Variants in SERINC3 observed in about 807,000 individuals in gnomAD.
SERINC3 encodes tumor differentially expressed protein 1.
Under a neutral mutation model 52.1 loss-of-function variants are expected in SERINC3, and 22 were observed. The ratio of observed to expected loss-of-function variants is 0.42; its 90% CI spans 0.30 to 0.60. SERINC3 has a LOEUF of 0.60. Among genes scored for constraint, SERINC3 ranks in the 20% least tolerant of loss-of-function variants. SERINC3 has a pLI of 0.16. For synonymous variants in SERINC3, 226 were observed against 212.7 expected (o/e 1.06, Z -0.54); for missense variants, 564 against 584.6 (o/e 0.96, Z 0.36).
intron 1 of SERINC3, among the ~76,000 whole-genome samples, chr20:44,519,950 G>A (rs905237644): frequency 1.2e-4 from 18 of 152,294 alleles, no homozygotes; most frequent in African/African-American, 4.3e-4. Flanking sequence ...ACTGGTGACT[G>A]GCAGCCCCTA....
chr20:44,509,250 GACT>G (rs1309007882), intron 5 of SERINC3, among the ~76,000 whole-genome samples: 2 of 152,016 alleles, frequency 1.3e-5, no homozygotes, highest in Non-Finnish European at 2.9e-5. Flanking sequence ...AGGCCATAAG[GACT>G]ACTCACTCCT....
At position 44,517,375 on chromosome 20, in the gene SERINC3, A is replaced by G. The variant is rs568875640; in HGVS notation, c.40-3335T>C. On this transcript the variant is annotated intron_variant, in intron 1 of 9. Transcript: ENST00000342374. ...TCTTATGTTGAAGTCCTAATGCCCA[A>G]TTCCTCAAAATGTATCCTTACTTGG... Among the ~76,000 whole-genome samples the G allele has an allele frequency of 7.9e-5, 12 of 152,354 alleles. No individual in the cohort carries two copies. In the South Asian group the frequency reaches 1.0e-3, roughly 13 times the overall value.
intron 1 of SERINC3, among the ~76,000 whole-genome samples, chr20:44,518,786 GAA>G (rs1600820751): frequency 6.6e-6 from 1 of 152,190 alleles, no homozygotes; most frequent in East Asian, 1.9e-4. Context: ...CCAACATGGA[GAA>G]ACCCCATCTC....
At chr20:44,515,936 T>G (rs548607328) in intron 1 of SERINC3, among the ~76,000 whole-genome samples, 1 of 152,078 alleles carries the variant, frequency 6.6e-6, no homozygotes, top group African/African-American at 2.4e-5. Context: ...ATTACAGGCG[T>G]GAGATACTGC....
Position 44,506,946 on chromosome 20 carries a change from C to T in SERINC3, c.664G>A (p.Gly222Arg), listed in dbSNP as rs796829781. Residue 222 changes from glycine (G) to arginine (R), a missense_variant, in exon 6 of 10, where the codon GGG becomes AGG. By Grantham distance (125) the Gly-to-Arg change is moderately radical. Transcript: ENST00000342374. ...AFYILSIICV[G>R]LLYTYYTKPD... ...TTGGTGTAATATGTATAGAGCAGCC[C>T]GACACAGATGATTGACAGGATATAA... The T allele has an allele frequency of 8.7e-6, 14 of 1,609,280 alleles. No individual in the cohort carries two copies. The highest frequency in any genetic ancestry group is 4.5e-5 in the South Asian group (4 of 89,800).
At chr20:44,519,992 G>A (rs2064405498) in intron 1 of SERINC3, among the ~76,000 whole-genome samples, 1 of 152,124 alleles carries the variant, frequency 6.6e-6, no homozygotes, top group Non-Finnish European at 1.5e-5. Context: ...GGTCATAGTA[G>A]GAGGTTGGGA....
intron 8 of SERINC3, among the ~76,000 whole-genome samples, chr20:44,501,799 C>A (rs543763117): frequency 6.6e-6 from 1 of 152,328 alleles, no homozygotes; most frequent in South Asian, 2.1e-4. Context: ...AATGCCTTAA[C>A]AGTGACCTTA....
chr20:44,507,025 C>CCA (rs2064319432), intron 5 of SERINC3, 29 bp from the exon 6 acceptor site: 1 of 1,518,956 alleles, frequency 6.6e-7, no homozygotes, highest in African/African-American at 1.4e-5. Context: ...ATATGAATGA[C>CCA]CACAACTATA....
intron 9 of SERINC3, among the ~76,000 whole-genome samples, chr20:44,500,794 A>G (rs1237990081): frequency 6.6e-6 from 1 of 152,166 alleles, no homozygotes; most frequent in Non-Finnish European, 1.5e-5. Flanking sequence ...TGACATGGCC[A>G]TCTCTATACA....
At chr20:44,519,337 C>A in intron 1 of SERINC3, 2 of 702,556 alleles carry the variant, frequency 2.8e-6, no homozygotes, top group Non-Finnish European at 3.5e-6. Flanking sequence ...TCTGGGAGGC[C>A]GGCGGATCAC....
chr20:44,505,037 T>C, intron 6 of SERINC3, 146 bp from the exon 7 acceptor site: 2 of 576,454 alleles, frequency 3.5e-6, no homozygotes, highest in South Asian at 5.0e-5. Context: ...ACAAGTAACC[T>C]TCTGTTCAGT....
rs764880471 is a variant in SERINC3, at chr20:44,512,898, G to A, written c.298C>T (p.Arg100Trp). Residue 100 changes from arginine (R) to tryptophan (W), a missense_variant, in exon 3 of 10, where the codon CGG (arginine) becomes TGG (tryptophan). Transcript: ENST00000342374. Reference protein sequence around the residue: ...DVLVGYKAVYRISFAMAIFFF... With the variant: ...DVLVGYKAVYWISFAMAIFFF... ...AAGATGGCCATGGCAAAGCTGATCC[G>A]ATACACAGCTTTATAACCAACCAGC... 6.4e-6 allele frequency: 10 copies of A among 1,574,270 alleles called. No individual in the cohort carries two copies. Among genetic ancestry groups the A allele is most frequent in the South Asian group, 2.4e-5 (2 of 83,046 alleles).
At position 44,503,986 on chromosome 20, in the gene SERINC3, CAGG is replaced by C. The variant is rs2064296071; in HGVS notation, c.881_883del (p.Ser294del). 5 of 1,572,702 alleles carry C rather than the reference CAGG, an allele frequency of 3.2e-6. No homozygotes were observed. The highest frequency in any genetic ancestry group is 4.3e-6 in the Non-Finnish European group (5 of 1,167,840). ...AATAAAGCTCATCAGGTTGGGATTGCAGGAACGATCTGAAAATGAGAAAATTTG... is the reference window on the plus strand; with the variant it reads ...AATAAAGCTCATCAGGTTGGGATTGCAACGATCTGAAAATGAGAAAATTTG... On this transcript the variant is annotated inframe_deletion, in exon 8 of 10. Transcript: ENST00000342374.
chr20:44,511,504 T>C (rs2064347554), intron 3 of SERINC3, 136 bp from the exon 4 acceptor site: 2 of 619,172 alleles, frequency 3.2e-6, no homozygotes, highest in Non-Finnish European at 5.8e-6. Context: ...TTTCTTCATT[T>C]GACTATTCAT....
intron 1 of SERINC3, among the ~76,000 whole-genome samples, chr20:44,514,578 T>C (rs370249376): frequency 1.1e-3 from 161 of 151,936 alleles, no homozygotes; most frequent in Middle Eastern, 6.8e-3. Flanking sequence ...GCTAACACGG[T>C]GAAACCCTGT....
chr20:44,502,887 A>G (rs2064288875), intron 8 of SERINC3, among the ~76,000 whole-genome samples: 1 of 152,196 alleles, frequency 6.6e-6, no homozygotes, highest in Admixed American at 6.5e-5. Context: ...ATGAGCCACC[A>G]TGCCTCGTCA....
chr20:44,512,806 G>A lies in SERINC3; in HGVS notation c.390C>T (p.His130=), dbSNP rs1314386410. 1.9e-6 allele frequency: 3 copies of A among 1,570,172 alleles called. No homozygotes were observed. The highest frequency in any genetic ancestry group is 2.6e-6 in the Non-Finnish European group (3 of 1,166,744). ...TAATCATAAATCTAACATACCCATT[G>A]TGTACTGCCGCTCGGAGATCTTTAC... is the stretch of plus-strand genomic sequence containing the variant. ...KTSKDLRAAV[H]NGFWFFKIAA... The change falls in exon 3 of 10, where the codon CAC becomes CAT. Residue 130 remains histidine, a synonymous_variant. Coordinates refer to ENST00000342374, the MANE Select transcript of SERINC3 (RefSeq NM_006811.4).
chr20:44,509,870 T>A, intron 5 of SERINC3, 21 bp downstream of exon 5: 1 of 1,612,874 alleles, frequency 6.2e-7, no homozygotes, highest in Non-Finnish European at 8.5e-7. Context: ...ATGGCTAACA[T>A]AGGTGAGTAG....
chr20:44,512,651 A>G, intron 3 of SERINC3, 150 bp downstream of exon 3: 2 of 597,680 alleles, frequency 3.3e-6, no homozygotes, highest in Non-Finnish European at 5.4e-6. Flanking sequence ...AAATGACATT[A>G]AAACAATTTC....
Sources: gnomAD v4.1 joint callset for allele counts (sites outside exome capture counted in the v4.1 genomes callset) on GRCh38, gnomAD v4.1.1 for gene constraint, MANE v1.5 for transcripts, NCBI Gene and HGNC (gene_info 2026-07-23, HGNC 2026-07-21) for gene names.